CRMP1: variants seen among roughly 807,000 people sequenced by gnomAD.
CRMP1 encodes the protein collapsin response mediator protein 1.
A neutral mutation model predicts 68.3 loss-of-function variants in CRMP1; 19 were observed. The observed-to-expected ratio is 0.28, with a 90% CI of 0.19 to 0.41. The LOEUF is 0.41. CRMP1 is among the 10% of genes least tolerant of loss of function. CRMP1 has a pLI of 1.00. For missense variants in CRMP1, 791 were observed against 967.4 expected, an observed-to-expected ratio of 0.82 and a Z score of 2.42; for synonymous variants, 439 against 399.6, an observed-to-expected ratio of 1.10 and a Z score of -1.18.
rs547944199 is a variant in CRMP1, at chr4:5,827,071, C to T, written c.1804-1412G>A. ...GGCTCTGATGCAGGTCTCTCCTTCA[C>T]CTGGTCTAGCTCCTGCAGGCATGAA... is the stretch of plus-strand genomic sequence containing the variant. On this transcript the variant is annotated intron_variant, in intron 12 of 13. Coordinates refer to ENST00000324989, the MANE Select transcript of CRMP1 (RefSeq NM_001014809.3). Among the ~76,000 whole-genome samples, 688 of 152,338 alleles carry T rather than the reference C, an allele frequency of 4.5e-3. 3 individuals carry two copies. The highest frequency in any genetic ancestry group is 6.7e-3 in the Non-Finnish European group (456 of 68,024).
In CRMP1 at chr4:5,841,181, G is replaced by T. The variant is rs1711693426; in HGVS notation, c.1153+127C>A. ...TCCAGCCACCATCCTTGTGTCAGGA[G>T]CATCCCCGCTCCACCCCTCCCTCCT... On this transcript the variant is annotated intron_variant, in intron 8 of 13. Coordinates refer to ENST00000324989, the MANE Select transcript of CRMP1 (RefSeq NM_001014809.3). The surrounding 1 kb of genome is among the most constrained non-coding windows in gnomAD (Gnocchi z 6.9). 38 of 1,418,920 alleles carry T rather than the reference G, an allele frequency of 2.7e-5. No individual in the cohort carries two copies. In the South Asian group the frequency reaches 4.3e-4, roughly 16 times the overall value. The allele number at this position is 1,418,920 out of a possible 1,614,324, so 87.9% of individuals were successfully genotyped here.
At chr4:5,835,128 T>C (rs982560122) in intron 11 of CRMP1, among the ~76,000 whole-genome samples, 4 of 152,340 alleles carry the variant, frequency 2.6e-5, no homozygotes, top group African/African-American at 7.2e-5. Flanking sequence ...CCATAGCCCA[T>C]GGGGCCATGG....
chr4:5,886,119 G>C (rs1715567855), intron 1 of CRMP1, among the ~76,000 whole-genome samples: 1 of 152,184 alleles, frequency 6.6e-6, no homozygotes, highest in African/African-American at 2.4e-5. Context: ...AACCACAAAC[G>C]CTTCTGGCTG....
chr4:5,874,926 C>T (rs929320516), intron 1 of CRMP1, among the ~76,000 whole-genome samples: 1 of 152,170 alleles, frequency 6.6e-6, no homozygotes, highest in East Asian at 1.9e-4. Context: ...AAGGCGTCCT[C>T]GCGAAGACTC....
At chr4:5,851,676 G>T (rs1407511185) in intron 4 of CRMP1, among the ~76,000 whole-genome samples, 1 of 151,846 alleles carries the variant, frequency 6.6e-6, no homozygotes, top group Non-Finnish European at 1.5e-5. Context: ...AGCAGAATCT[G>T]AAGGTGATGG....
At chr4:5,868,253 CTA>C (rs1714130415) in intron 1 of CRMP1, among the ~76,000 whole-genome samples, 1 of 83,134 alleles carries the variant, frequency 1.2e-5, no homozygotes, top group Non-Finnish European at 2.4e-5. Flanking sequence ...TTCTTCATGA[CTA>C]TATATCTATA....
At position 5,840,727 on chromosome 4, in the gene CRMP1, C is replaced by T. The variant is rs572246736; in HGVS notation, c.1153+581G>A. On this transcript the variant is annotated intron_variant, in intron 8 of 13. Coordinates refer to ENST00000324989, the MANE Select transcript of CRMP1 (RefSeq NM_001014809.3). ...GCTCCAGAACCTGCCTGCTTACCCG[C>T]TCCCGGCTGGTACCGCTTCCAGATT... Among the ~76,000 whole-genome samples the T allele has an allele frequency of 5.3e-5, 8 of 152,358 alleles. No homozygotes were observed. In the South Asian group the frequency reaches 1.7e-3, roughly 32 times the overall value.
At chr4:5,828,377 G>A in intron 12 of CRMP1, 112 bp downstream of exon 12, 2 of 1,454,688 alleles carry the variant, frequency 1.4e-6, no homozygotes, top group Non-Finnish European at 1.8e-6. Flanking sequence ...GGAAACGGAG[G>A]TTCCCAGGGC....
chr4:5,875,368 C>T (rs1394379795), intron 1 of CRMP1, among the ~76,000 whole-genome samples: 1 of 134,654 alleles, frequency 7.4e-6, no homozygotes, highest in Non-Finnish European at 1.6e-5. Context: ...TGTCAGAAGG[C>T]ATACAAAATC....
chr4:5,884,105 A>G lies in CRMP1; in HGVS notation c.381+8484T>C, dbSNP rs190482738. Among the ~76,000 whole-genome samples the G allele has an allele frequency of 1.6e-4, 24 of 152,272 alleles. No homozygotes were observed. In the East Asian group the frequency reaches 4.6e-3, roughly 29 times the overall value. On this transcript the variant is annotated intron_variant, in intron 1 of 13. Transcript: ENST00000324989. ...ACTCCAGTGTCCTAATCACTGGCAC[A>G]TTTGTTCTGTCCTTCCTTGATCCTC...
In CRMP1 at chr4:5,833,189, C is replaced by T. The variant is rs1391880104; in HGVS notation, c.1623+2726G>A. On this transcript the variant is annotated intron_variant, in intron 11 of 13. Transcript: ENST00000324989. ...TTTTTTTTTTTTTTTTTTTTTGAGA[C>T]GGAGTCTCGCTCTGTCGCCCAGGCT... 4.4e-5 allele frequency among the ~76,000 whole-genome samples: 3 copies of T among 68,626 alleles called. 1 individual carries two copies. Among genetic ancestry groups the T allele is most frequent in the Non-Finnish European group, 8.3e-5 (3 of 36,224 alleles). 45.0% of individuals were successfully genotyped at this position (68,626 alleles called of 152,430 possible). A position where few individuals can be genotyped will look rare whatever the true frequency, so the allele number is the denominator to read the frequency against.
rs1560526914 is a variant in CRMP1, at chr4:5,891,189, C to CAG, written c.381+1399_381+1400insCT. The stretch of plus-strand genomic sequence containing the variant: ...CCACACACACATACACACACACACA[C>CAG]ACACACACACACACACACACACACC... On this transcript the variant is annotated intron_variant, in intron 1 of 13. Transcript: ENST00000324989. This position sits in a 1 kb window ranked among gnomAD's most constrained non-coding sequence, Gnocchi z 5.2. Among the ~76,000 whole-genome samples, 1 of 145,876 alleles carries CAG rather than the reference C, an allele frequency of 6.9e-6. No homozygotes were observed. Among genetic ancestry groups the CAG allele is most frequent in the Non-Finnish European group, 1.6e-5 (1 of 64,416 alleles).
intron 12 of CRMP1, chr4:5,828,066 C>T: frequency 1.0e-6 from 1 of 985,418 alleles, no homozygotes; most frequent in Non-Finnish European, 1.2e-6. Context: ...AGGGGTAACA[C>T]CTTGCTCCAC....
rs1030733425 is a variant in CRMP1, at chr4:5,881,642, C to T, written c.381+10947G>A. 2.6e-5 allele frequency among the ~76,000 whole-genome samples: 4 copies of T among 152,152 alleles called. No individual in the cohort carries two copies. The highest frequency in any genetic ancestry group is 5.9e-5 in the Non-Finnish European group (4 of 68,038). On this transcript the variant is annotated intron_variant, in intron 1 of 13. Transcript: ENST00000324989. The surrounding 1 kb of genome is among the most constrained non-coding windows in gnomAD (Gnocchi z 4.6). ...CATGGCAAGAGCTGACTTTTACTTA[C>T]AGCAAATTAGACTCTATTCAACATC...
intron 11 of CRMP1, among the ~76,000 whole-genome samples, chr4:5,833,159 CTTTTT>C (rs1160531301): frequency 5.9e-5 from 5 of 84,636 alleles, no homozygotes; most frequent in African/African-American, 6.5e-5. Context: ...CCTTCCAGAA[CTTTTT>C]TTTTTTTTTT....
rs576735043 is a variant in CRMP1, at chr4:5,859,857, G to A, written c.655+1169C>T. On this transcript the variant is annotated intron_variant, in intron 3 of 13. Coordinates refer to ENST00000324989, the MANE Select transcript of CRMP1 (RefSeq NM_001014809.3). This position sits in a 1 kb window ranked among gnomAD's most constrained non-coding sequence, Gnocchi z 5.2. ...TCCAAAGGGACTCCTTTGTGAAGGA[G>A]CGGGAGAGATGGGCAGGGTTGGGGC... 4.9e-4 allele frequency among the ~76,000 whole-genome samples: 74 copies of A among 152,342 alleles called. No homozygotes were observed. Among genetic ancestry groups the A allele is most frequent in the African/African-American group, 1.6e-3 (65 of 41,584 alleles).
Position 5,825,652 on chromosome 4 carries a change from C to T in CRMP1, c.1811G>A (p.Gly604Glu), listed in dbSNP as rs771914486. The change falls in exon 13 of 14, where the codon GGA becomes GAA. Residue 604 changes from glycine to glutamate, a missense_variant. Coordinates refer to ENST00000324989, the MANE Select transcript of CRMP1 (RefSeq NM_001014809.3). The surrounding 1 kb of genome is among the most constrained non-coding windows in gnomAD (Gnocchi z 4.4). Reference sequence around the variant, plus strand: ...CATGCCCCTGGAAACCCCTTGCAATCCAAAAACCTAAACAGAGGAAGGGAG... The same window carrying T: ...CATGCCCCTGGAAACCCCTTGCAATTCAAAAACCTAAACAGAGGAAGGGAG... ...QRVKIRNKVF[G>E]LQGVSRGMYD... The T allele has an allele frequency of 6.2e-6, 10 of 1,612,220 alleles. No homozygotes were observed. Among genetic ancestry groups the T allele is most frequent in the Non-Finnish European group, 8.5e-7 (1 of 1,179,256 alleles).
At position 5,890,747 on chromosome 4, in the gene CRMP1, C is replaced by T. The variant is rs1339169251; in HGVS notation, c.381+1842G>A. ...CGACCAGCGTCCCCAAGGGTCAGGGCGCAGCTGCGGGGCTGGCCCAGGCTG... is the reference window on the plus strand; with the variant it reads ...CGACCAGCGTCCCCAAGGGTCAGGGTGCAGCTGCGGGGCTGGCCCAGGCTG... On this transcript the variant is annotated intron_variant, in intron 1 of 13. Coordinates refer to ENST00000324989, the MANE Select transcript of CRMP1 (RefSeq NM_001014809.3). This position sits in a 1 kb window ranked among gnomAD's most constrained non-coding sequence, Gnocchi z 5.5. 6.6e-6 allele frequency among the ~76,000 whole-genome samples: 1 copy of T among 152,128 alleles called. No individual in the cohort carries two copies. Among genetic ancestry groups the T allele is most frequent in the Admixed American group, 6.5e-5 (1 of 15,288 alleles).
chr4:5,836,631 C>T lies in CRMP1; in HGVS notation c.1452+134G>A, dbSNP rs143224940. The T allele has an allele frequency of 7.5e-4, 964 of 1,281,464 alleles. 5 individuals carry two copies. In the African/African-American group the frequency reaches 0.012, roughly 16 times the overall value. 79.4% of individuals were successfully genotyped at this position (1,281,464 alleles called of 1,614,324 possible). A position where few individuals can be genotyped will look rare whatever the true frequency, so the allele number is the denominator to read the frequency against. ...CTCTCAAGTTATGCGTTCCCTCCTG[C>T]GCCCTCCTAGTATATCTGCTTCCGC... On this transcript the variant is annotated intron_variant, in intron 10 of 13. Coordinates refer to ENST00000324989, the MANE Select transcript of CRMP1 (RefSeq NM_001014809.3).
Sources: gnomAD v4.1 joint callset for allele counts (sites outside exome capture counted in the v4.1 genomes callset) on GRCh38, gnomAD v4.1.1 for gene constraint, Gnocchi (gnomAD v3.1) non-coding constraint, MANE v1.5 for transcripts, NCBI Gene and HGNC (gene_info 2026-07-23, HGNC 2026-07-21) for gene names.